The following DOP1A variants were observed in gnomAD, a reference collection of about 807,000 sequenced individuals.
DOP1A encodes protein DOP1A.
A neutral mutation model predicts 267.6 loss-of-function variants in DOP1A; 90 were observed. The observed-to-expected ratio is 0.34, with a 90% CI of 0.28 to 0.40. The LOEUF is 0.40. Ranked by LOEUF, DOP1A falls within the 10% of genes least tolerant of loss-of-function variation. DOP1A has a pLI of 1.00. For missense variants in DOP1A, 2,437 were observed against 2,900.4 expected, an observed-to-expected ratio of 0.84 and a Z score of 3.67; for synonymous variants, 932 against 999.1, an observed-to-expected ratio of 0.93 and a Z score of 1.27.
intron 1 of DOP1A, among the ~76,000 whole-genome samples, chr6:83,068,311 A>G (rs1056959757): frequency 1.3e-5 from 2 of 152,202 alleles, no homozygotes; most frequent in South Asian, 4.1e-4. Flanking sequence ...AGAGGAAGTC[A>G]GAAGAGTCAA....
intron 38 of DOP1A, among the ~76,000 whole-genome samples, chr6:83,163,270 G>A (rs538437473): frequency 2.6e-5 from 4 of 152,106 alleles, no homozygotes; most frequent in African/African-American, 9.6e-5. Flanking sequence ...AACACTCTTC[G>A]TGTCAAAAAC....
chr6:83,163,859 T>C (rs570081732), intron 38 of DOP1A, among the ~76,000 whole-genome samples: 3 of 152,124 alleles, frequency 2.0e-5, no homozygotes, highest in South Asian at 4.1e-4. Flanking sequence ...TTAAAACATA[T>C]ACCATTAAAA....
rs909319759 is a variant in DOP1A at position 83,121,853 on chromosome 6, C to T, written c.1100-77C>T. The T allele has an allele frequency of 1.5e-5, 21 of 1,434,306 alleles. No individual in the cohort carries two copies. In the South Asian group the frequency reaches 2.9e-4, roughly 20 times the overall value. 88.8% of individuals were successfully genotyped at this position (1,434,306 alleles called of 1,614,324 possible). Reference sequence around the variant, plus strand: ...AATACTTGTTTTTAAAACATTGTTTCATTGGGCCAATTTTCAGATAAGCAT... The same window carrying T: ...AATACTTGTTTTTAAAACATTGTTTTATTGGGCCAATTTTCAGATAAGCAT... On this transcript the variant is annotated intron_variant, in intron 10 of 38. Coordinates refer to ENST00000349129, the MANE Select transcript of DOP1A (RefSeq NM_015018.4).
chr6:83,122,745 T>C, intron 11 of DOP1A, 118 bp from the exon 12 acceptor site: 1 of 666,606 alleles, frequency 1.5e-6, no homozygotes, highest in Non-Finnish European at 2.2e-6. Context: ...GCAATCTTCT[T>C]ACTAGCACAT....
Position 83,122,931 on chromosome 6 carries a change from A to C in DOP1A, c.1289A>C (p.Glu430Ala). ...GCTAACCTTCTCTTTAATTCCTTCG[A>C]ACCTTATTATATGTGGGATTATGTT... ...KTANLLFNSF[E>A]PYYMWDYVAR... The change falls in exon 12 of 39, where the codon GAA becomes GCA. Residue 430 changes from glutamate to alanine, a missense_variant. Coordinates refer to ENST00000349129, the MANE Select transcript of DOP1A (RefSeq NM_015018.4). 1 of 1,577,780 alleles carries C rather than the reference A, an allele frequency of 6.3e-7. No individual in the cohort carries two copies. The highest frequency in any genetic ancestry group is 8.6e-7 in the Non-Finnish European group (1 of 1,166,662).
At chr6:83,153,750 A>T in intron 31 of DOP1A, 130 bp downstream of exon 31, 1 of 1,171,512 alleles carries the variant, frequency 8.5e-7, no homozygotes, top group Non-Finnish European at 1.2e-6. Context: ...TTGTTTAAAA[A>T]AATTCATATA....
At chr6:83,160,932 G>C (rs1784096725) in intron 37 of DOP1A, among the ~76,000 whole-genome samples, 1 of 151,902 alleles carries the variant, frequency 6.6e-6, no homozygotes, top group Non-Finnish European at 1.5e-5. Flanking sequence ...ATTACTTTTA[G>C]AGTCATTCTA....
At chr6:83,079,387 A>AT (rs1026959587) in intron 1 of DOP1A, among the ~76,000 whole-genome samples, 71 of 152,048 alleles carry the variant, frequency 4.7e-4, no homozygotes, top group East Asian at 5.8e-4. Context: ...ATTCCATGGG[A>AT]TTTTTTTTAA....
At chr6:83,152,933 G>A (rs1161522577) in intron 30 of DOP1A, among the ~76,000 whole-genome samples, 4 of 152,040 alleles carry the variant, frequency 2.6e-5, no homozygotes, top group African/African-American at 9.7e-5. Flanking sequence ...AGGGGTGGAG[G>A]TGATCTAAAG....
At position 83,108,949 on chromosome 6, in the gene DOP1A, T is replaced by C. The variant is rs1289799447; in HGVS notation, c.360T>C (p.Ser120=). 6.2e-7 allele frequency: 1 copy of C among 1,613,638 alleles called. No individual in the cohort carries two copies. Among genetic ancestry groups the C allele is most frequent in the Admixed American group, 1.7e-5 (1 of 59,984 alleles). The change falls in exon 5 of 39, where the codon TCT becomes TCC. Residue 120 remains serine (S), a synonymous_variant. Coordinates refer to ENST00000349129, the MANE Select transcript of DOP1A (RefSeq NM_015018.4). ...LFPLLANAAM[S]VKPTLLSLYE... ...CTCTTCTTGCAAATGCTGCCATGTC[T>C]GTGAAACCAACATTGCTCAGTTTGT...
At chr6:83,131,458 T>C (rs1170362822) in intron 17 of DOP1A, among the ~76,000 whole-genome samples, 1 of 152,186 alleles carries the variant, frequency 6.6e-6, no homozygotes, top group Non-Finnish European at 1.5e-5. Context: ...CTATTATCTA[T>C]TGTATAGGTT....
At chr6:83,088,127 C>G (rs1769643741) in intron 1 of DOP1A, among the ~76,000 whole-genome samples, 3 of 152,118 alleles carry the variant, frequency 2.0e-5, no homozygotes, top group South Asian at 4.1e-4. Context: ...CCCTCTCGGT[C>G]TCCCAAAGTG....
intron 4 of DOP1A, among the ~76,000 whole-genome samples, chr6:83,106,040 T>G (rs1773556971): frequency 6.6e-6 from 1 of 152,236 alleles, no homozygotes; most frequent in African/African-American, 2.4e-5. Flanking sequence ...GAAGTATAAC[T>G]ATTTTAAAAA....
chr6:83,140,429 A>G (rs1779423988), intron 23 of DOP1A, 26 bp downstream of exon 23: 3 of 1,539,508 alleles, frequency 1.9e-6, no homozygotes, highest in Non-Finnish European at 2.6e-6. Flanking sequence ...TTTAATCTGT[A>G]GAGCTCAAGA....
At chr6:83,099,706 G>A (rs1010209877) in intron 3 of DOP1A, among the ~76,000 whole-genome samples, 1 of 79,586 alleles carries the variant, frequency 1.3e-5, no homozygotes, top group African/African-American at 4.5e-5. Flanking sequence ...GTGTGTGTGT[G>A]TGTATATACA....
intron 1 of DOP1A, 135 bp downstream of exon 1, chr6:83,067,914 T>A (rs1784943811): frequency 6.6e-6 from 1 of 152,390 alleles, no homozygotes; most frequent in Non-Finnish European, 1.5e-5. Flanking sequence ...GTGTTGCCGC[T>A]CCGGCCCCGC....
At chr6:83,069,376 G>C (rs560725218) in intron 1 of DOP1A, among the ~76,000 whole-genome samples, 2 of 152,226 alleles carry the variant, frequency 1.3e-5, no homozygotes, top group African/African-American at 4.8e-5. Flanking sequence ...TTACTGTTAT[G>C]CTGATACATG....
chr6:83,142,646 T>G (rs1392920140), intron 24 of DOP1A, among the ~76,000 whole-genome samples: 1 of 152,176 alleles, frequency 6.6e-6, no homozygotes. Flanking sequence ...CAAGTGCTAG[T>G]CATTTAGGGT....
intron 1 of DOP1A, among the ~76,000 whole-genome samples, chr6:83,095,248 A>G (rs1771262779): frequency 1.3e-5 from 2 of 152,130 alleles, no homozygotes. Context: ...TTTTATTTCT[A>G]AGAAGACTTT....
Sources: gnomAD v4.1 joint callset for allele counts (sites outside exome capture counted in the v4.1 genomes callset) on GRCh38, gnomAD v4.1.1 for gene constraint, MANE v1.5 for transcripts, NCBI Gene and HGNC (gene_info 2026-07-23, HGNC 2026-07-21) for gene names.